The following C3orf22 variants were observed in gnomAD, a reference collection of about 807,000 sequenced individuals.
The protein encoded by C3orf22 is chromosome 3 open reading frame 22.
In C3orf22, 7 loss-of-function variants were observed where a neutral mutation model predicts 10.8. The ratio of observed to expected loss-of-function variants is 0.65; its 90% CI spans 0.37 to 1.22. The LOEUF is 1.22. Ranked by LOEUF, C3orf22 falls within the 50% of genes most tolerant of loss-of-function variation. The pLI, the probability that C3orf22 is intolerant of heterozygous loss-of-function variation, is 0.02. For missense variants in C3orf22, 173 were observed against 177.0 expected (o/e 0.98, Z 0.13); for synonymous variants, 79 against 78.9 (o/e 1.00, Z 0.00).
In C3orf22 at chr3:126,534,778, TCAGCCAGGAGAAAAA is replaced by T. The variant is rs1936731168; in HGVS notation, c.287-5421_287-5407del. 2.9e-5 allele frequency among the ~76,000 whole-genome samples: 4 copies of T among 139,498 alleles called. No individual in the cohort carries two copies. In the Admixed American group the frequency reaches 2.9e-4, roughly 10 times the overall value. The allele number at this position is 139,498 out of a possible 152,430, so 91.5% of individuals were successfully genotyped here. The stretch of plus-strand genomic sequence containing the variant: ...AGACAGACAGACAGCATCCCTGTCC[TCAGCCAGGAGAAAAA>T]CAGACAGCATCCCTGTCCTCAGCCA... On this transcript the variant is annotated intron_variant and NMD_transcript_variant, in intron 4 of 5. Transcript: ENST00000505070.
chr3:126,539,646 CACACACCCCACACTAT>C (rs1425851543), intron 4 of C3orf22, among the ~76,000 whole-genome samples: 2 of 140,460 alleles, frequency 1.4e-5, no homozygotes, highest in Non-Finnish European at 3.1e-5. Context: ...CCACACACCA[CACACACCCCACACTAT>C]ACACACAGCA....
At position 126,549,934 on chromosome 3, in the gene C3orf22, G is replaced by A; in HGVS notation, c.360C>T (p.Thr120=). The change falls in exon 4 of 4, where the codon ACC becomes ACT. Residue 120 remains threonine (T), a synonymous_variant. Coordinates refer to ENST00000318225, the MANE Select transcript of C3orf22 (RefSeq NM_152533.3). ...GGGGGCAGGCAGCCTCAGTGTGCCG[G>A]GTGGACAGCAGGAAGGCGAGTTGTC... is the stretch of plus-strand genomic sequence containing the variant. ...FPRQLAFLLS[T]RHTEAACPQT... The A allele has an allele frequency of 6.2e-7, 1 of 1,614,144 alleles. No individual in the cohort carries two copies. Among genetic ancestry groups the A allele is most frequent in the Non-Finnish European group, 8.5e-7 (1 of 1,180,038 alleles).
At chr3:126,550,712 C>A (rs1161603114) in intron 3 of C3orf22, among the ~76,000 whole-genome samples, 1 of 152,234 alleles carries the variant, frequency 6.6e-6, no homozygotes, top group Admixed American at 6.5e-5. Context: ...CCCACCAATG[C>A]CCACTCCCCC....
chr3:126,557,863 A>G (rs1008970029), intron 1 of C3orf22, among the ~76,000 whole-genome samples: 17 of 152,116 alleles, frequency 1.1e-4, no homozygotes, highest in African/African-American at 4.1e-4. Context: ...TCTCTACACC[A>G]GTGCTGGCTA....
At chr3:126,550,302 C>G (rs1172080043) in intron 3 of C3orf22, among the ~76,000 whole-genome samples, 2 of 152,170 alleles carry the variant, frequency 1.3e-5, no homozygotes, top group African/African-American at 4.8e-5. Flanking sequence ...GCTCCTCCAG[C>G]CACCTGACAT....
chr3:126,552,636 GT>G (rs1339630531), intron 2 of C3orf22, among the ~76,000 whole-genome samples: 1 of 152,188 alleles, frequency 6.6e-6, no homozygotes, highest in East Asian at 1.9e-4. Flanking sequence ...TGCCCTGGTG[GT>G]CCCCCGTGGT....
intron 1 of C3orf22, among the ~76,000 whole-genome samples, chr3:126,556,863 C>T (rs937136061): frequency 6.8e-6 from 1 of 147,292 alleles, no homozygotes; most frequent in Admixed American, 6.7e-5. Flanking sequence ...CACACAGACT[C>T]ACATACACAC....
chr3:126,546,108 C>A (rs888985463), downstream of C3orf22, among the ~76,000 whole-genome samples: 2 of 152,196 alleles, frequency 1.3e-5, no homozygotes, highest in African/African-American at 4.8e-5. Flanking sequence ...TGGGAACTGA[C>A]AGCCAGTTTT....
At chr3:126,535,251 G>A (rs1389908281) in intron 4 of C3orf22, among the ~76,000 whole-genome samples, 2 of 149,276 alleles carry the variant, frequency 1.3e-5, no homozygotes, top group African/African-American at 5.0e-5. Flanking sequence ...TCCTCAGCTG[G>A]GAGACAGACA....
downstream of C3orf22, among the ~76,000 whole-genome samples, chr3:126,544,811 C>T (rs1324418212): frequency 6.6e-6 from 1 of 152,254 alleles, no homozygotes; most frequent in African/African-American, 2.4e-5. Context: ...ACTGCTTCCC[C>T]ACTGATGCCC....
At chr3:126,537,620 G>A (rs1936826106) in intron 4 of C3orf22, among the ~76,000 whole-genome samples, 1 of 152,210 alleles carries the variant, frequency 6.6e-6, no homozygotes, top group Non-Finnish European at 1.5e-5. Context: ...CGGTAGGACA[G>A]GCACTCAGTA....
chr3:126,550,095 G>C lies in C3orf22; in HGVS notation c.216-17C>G. 6.2e-7 allele frequency: 1 copy of C among 1,613,316 alleles called. No homozygotes were observed. Among genetic ancestry groups the C allele is most frequent in the East Asian group, 2.2e-5 (1 of 44,866 alleles). ...GCCCCGAGCCTAGAGAAGCCACACA[G>C]AGCCACGCCTGGCCTTCAGGACCCC... On this transcript the variant is annotated splice_polypyrimidine_tract_variant and intron_variant, in intron 3 of 3. Coordinates refer to ENST00000318225, the MANE Select transcript of C3orf22 (RefSeq NM_152533.3).
chr3:126,538,288 T>C (rs1048055225), intron 4 of C3orf22, among the ~76,000 whole-genome samples: 7 of 152,206 alleles, frequency 4.6e-5, no homozygotes, highest in African/African-American at 1.4e-4. Flanking sequence ...AGAGCTGGCC[T>C]CCTGACTATA....
At chr3:126,556,911 CAT>C (rs1041423574) in intron 1 of C3orf22, among the ~76,000 whole-genome samples, 3 of 129,844 alleles carry the variant, frequency 2.3e-5, no homozygotes, top group South Asian at 4.4e-4. Flanking sequence ...GACTCACACA[CAT>C]AGACACACAC....
intron 4 of C3orf22, among the ~76,000 whole-genome samples, chr3:126,532,747 G>T (rs1936684067): frequency 6.6e-6 from 1 of 152,138 alleles, no homozygotes; most frequent in South Asian, 2.1e-4. Context: ...TGGATATTCT[G>T]AATCCCTTCA....
chr3:126,541,761 A>T, intron 4 of C3orf22: 1 of 1,509,992 alleles, frequency 6.6e-7, no homozygotes. Flanking sequence ...GCGAAGGTGC[A>T]CCGGCAGCGG....
rs1267424764 is a variant in C3orf22, at chr3:126,552,053, C to A, written c.159G>T (p.Thr53=). 2 of 1,613,666 alleles carry A rather than the reference C, an allele frequency of 1.2e-6. No individual in the cohort carries two copies. The highest frequency in any genetic ancestry group is 1.7e-6 in the Non-Finnish European group (2 of 1,179,810). Residue 53 remains threonine, a synonymous_variant, in exon 3 of 4, where the codon ACG becomes ACT. Coordinates refer to ENST00000318225, the MANE Select transcript of C3orf22 (RefSeq NM_152533.3). Reference sequence around the variant, plus strand: ...ACCTCTTCTGCAGGGGCAGCTGCACCGTGTTCGAGTCGTTTGTGACCTCCC... The same window carrying A: ...ACCTCTTCTGCAGGGGCAGCTGCACAGTGTTCGAGTCGTTTGTGACCTCCC... ...QPWEVTNDSN[T]VQLPLQKRLV... is the part of the protein sequence containing the mutation.
At chr3:126,531,520 C>T (rs183942685) in intron 4 of C3orf22, among the ~76,000 whole-genome samples, 17 of 152,312 alleles carry the variant, frequency 1.1e-4, no homozygotes, top group Non-Finnish European at 2.1e-4. Context: ...TGAACTCTTA[C>T]GGACATATTA....
Position 126,549,988 on chromosome 3 carries a change from T to C in C3orf22, c.306A>G (p.Glu102=). Residue 102 remains glutamate, a synonymous_variant, in exon 4 of 4, where the codon GAA becomes GAG. Coordinates refer to ENST00000318225, the MANE Select transcript of C3orf22 (RefSeq NM_152533.3). ...GGAAGCGGCGACTCAGCAACTTGAG[T>C]TCCCAAAGGTTGCACAGTGGAGGTG... ...PSPPPLCNLW[E]LKLLSRRFPR... is the part of the protein sequence containing the mutation. 6.2e-7 allele frequency: 1 copy of C among 1,613,962 alleles called. No individual in the cohort carries two copies.
Sources: gnomAD v4.1 joint callset for allele counts (sites outside exome capture counted in the v4.1 genomes callset) on GRCh38, gnomAD v4.1.1 for gene constraint, MANE v1.5 for transcripts, NCBI Gene and HGNC (gene_info 2026-07-23, HGNC 2026-07-21) for gene names.